GABPB2: variants seen among roughly 807,000 people sequenced by gnomAD.
GABPB2 encodes GA binding protein transcription factor subunit beta 2, also known as GA-binding protein subunit beta-2.
GABPB2 carries 23 observed loss-of-function variants against 39.1 expected under a neutral mutation model. The observed-to-expected ratio is 0.59, with a 90% CI of 0.42 to 0.83. GABPB2 has a LOEUF of 0.83. Ranked by LOEUF, GABPB2 falls within the 40% of genes least tolerant of loss-of-function variation. The pLI is 0.00. For missense variants in GABPB2, 467 were observed against 541.1 expected (o/e 0.86, Z 1.36); for synonymous variants, 184 against 199.3 (o/e 0.92, Z 0.65).
rs1262156915 is a variant in GABPB2, at chr1:151,093,270, G to T, written c.355G>T (p.Val119Phe). The change falls in exon 4 of 9, where the codon GTC becomes TTC. Residue 119 changes from valine (V) to phenylalanine (F), a missense_variant. Physicochemically the swap from Val to Phe is conservative, Grantham distance 50 (BLOSUM62 -1). Transcript: ENST00000368918. ...GGCCACAGAGCGCCACCATCGAGATGTCGTAGAGTTACTTATCAAATATGG... is the reference window on the plus strand; with the variant it reads ...GGCCACAGAGCGCCACCATCGAGATTTCGTAGAGTTACTTATCAAATATGG... ...HWATERHHRD[V>F]VELLIKYGAD... is the part of the protein sequence containing the mutation. 4.3e-6 allele frequency: 7 copies of T among 1,613,366 alleles called. No homozygotes were observed. In the South Asian group the frequency reaches 7.7e-5, roughly 18 times the overall value.
intron 5 of GABPB2, among the ~76,000 whole-genome samples, chr1:151,101,646 T>G (rs587609079): frequency 6.6e-6 from 1 of 152,166 alleles, no homozygotes; most frequent in South Asian, 2.1e-4. Flanking sequence ...CTACTTCTAC[T>G]TCTATACTAA....
chr1:151,107,089 A>G lies in GABPB2; in HGVS notation c.789A>G (p.Gln263=). Residue 263 remains glutamine (Q), a synonymous_variant, in exon 7 of 9, where the codon CAA becomes CAG. Transcript: ENST00000368918. The part of the protein sequence containing the change: ...EGNSVDSSIQ[Q]VMGSGGQRVI... ...ATTCCGTTGACTCATCAATCCAGCA[A>G]GTAATGGGGAGTGGAGGCCAGAGGG... 1.2e-6 allele frequency: 2 copies of G among 1,612,702 alleles called. No homozygotes were observed. Among genetic ancestry groups the G allele is most frequent in the Non-Finnish European group, 8.5e-7 (1 of 1,179,442 alleles).
At position 151,099,259 on chromosome 1, in the gene GABPB2, G is replaced by A. The variant is rs1371015540; in HGVS notation, c.622+1257G>A. Among the ~76,000 whole-genome samples the A allele has an allele frequency of 3.3e-5, 5 of 151,266 alleles. No homozygotes were observed. The South Asian group carries it at 6.3e-4, about 19-fold the overall frequency. On this transcript the variant is annotated intron_variant, in intron 5 of 8. Transcript: ENST00000368918. ...GTTTCCCAGGCTGGAGTGCAGTGGCGCAATCTTGGCTCACTGCAACCTTTG... is the reference window on the plus strand; with the variant it reads ...GTTTCCCAGGCTGGAGTGCAGTGGCACAATCTTGGCTCACTGCAACCTTTG...
At chr1:151,104,809 TCTTTC>T (rs1679824580) in intron 6 of GABPB2, among the ~76,000 whole-genome samples, 3 of 149,658 alleles carry the variant, frequency 2.0e-5, no homozygotes, top group South Asian at 2.1e-4. Context: ...TTCTTTTCTT[TCTTTC>T]CTTTCTTTCT....
intron 7 of GABPB2, among the ~76,000 whole-genome samples, chr1:151,110,005 A>ATTTTTTTTTTTT (rs71577269): frequency 1.6e-4 from 10 of 60,760 alleles, no homozygotes; most frequent in Non-Finnish European, 3.5e-4. Context: ...TGCCCAGCTA[A>ATTTTTTTTTTTT]TTTTTTTTTT....
At chr1:151,111,042 G>T (rs1314123768) in intron 7 of GABPB2, among the ~76,000 whole-genome samples, 1 of 152,088 alleles carries the variant, frequency 6.6e-6, no homozygotes, top group Non-Finnish European at 1.5e-5. Context: ...CACTTTGGGA[G>T]GCTGAGGCGG....
rs116351668 is a variant in GABPB2, at chr1:151,077,307, C to T, written c.-1+6373C>T. ...TGACTTTCTGACAGGCCCAGGAGCC[C>T]CACATTATCCTGGGACCTCAGGAGG... On this transcript the variant is annotated intron_variant, in intron 1 of 8. Transcript: ENST00000368918. Among the ~76,000 whole-genome samples the T allele has an allele frequency of 7.7e-4, 116 of 151,268 alleles. 1 individual carries two copies. Among genetic ancestry groups the T allele is most frequent in the African/African-American group, 2.7e-3 (113 of 41,280 alleles).
At chr1:151,112,911 C>T (rs903941333) in intron 7 of GABPB2, among the ~76,000 whole-genome samples, 3 of 151,320 alleles carry the variant, frequency 2.0e-5, no homozygotes, top group Non-Finnish European at 4.4e-5. Context: ...GCTGGGACTA[C>T]AGGTGTGCAC....
chr1:151,095,939 A>C (rs189993647), intron 4 of GABPB2, among the ~76,000 whole-genome samples: 1 of 151,780 alleles, frequency 6.6e-6, no homozygotes, highest in African/African-American at 2.4e-5. Flanking sequence ...TGATGGAGGC[A>C]GGAGAATCGG....
At chr1:151,095,993 G>A (rs1679067466) in intron 4 of GABPB2, among the ~76,000 whole-genome samples, 1 of 148,622 alleles carries the variant, frequency 6.7e-6, no homozygotes, top group Non-Finnish European at 1.5e-5. Flanking sequence ...AGCTGAGATC[G>A]TGCCACTGTA....
At chr1:151,096,358 T>A (rs1443194218) in intron 4 of GABPB2, among the ~76,000 whole-genome samples, 2 of 151,860 alleles carry the variant, frequency 1.3e-5, no homozygotes, top group Admixed American at 1.3e-4. Context: ...GAGGTTGCAG[T>A]GAGCCGAGAT....
chr1:151,101,530 C>T (rs1431602707), intron 5 of GABPB2, among the ~76,000 whole-genome samples: 4 of 151,078 alleles, frequency 2.6e-5, no homozygotes, highest in African/African-American at 4.9e-5. Flanking sequence ...GCTGAGATCG[C>T]GCCACTGCAC....
intron 1 of GABPB2, among the ~76,000 whole-genome samples, chr1:151,083,470 A>G (rs1225891711): frequency 6.6e-6 from 1 of 152,108 alleles, no homozygotes; most frequent in Non-Finnish European, 1.5e-5. Flanking sequence ...TGTCTCTACT[A>G]AAAGTACAGA....
Position 151,117,384 on chromosome 1 carries a change from A to G in GABPB2, c.923-8A>G, listed in dbSNP as rs1412968893. 1 of 1,612,956 alleles carries G rather than the reference A, an allele frequency of 6.2e-7. No homozygotes were observed. Among genetic ancestry groups the G allele is most frequent in the Non-Finnish European group, 8.5e-7 (1 of 1,179,404 alleles). ...CATCACCTCCAATTGGTGTCCTTTG[A>G]CTTGTAGTTCTAACTGTACCTGCTG... On this transcript the variant is annotated splice_polypyrimidine_tract_variant and splice_region_variant and intron_variant, in intron 7 of 8. Transcript: ENST00000368918.
rs909198136 is a variant in GABPB2, at chr1:151,091,165, A to G, written c.276+592A>G. On this transcript the variant is annotated intron_variant, in intron 3 of 8. Coordinates refer to ENST00000368918, the MANE Select transcript of GABPB2 (RefSeq NM_144618.3). ...TGCAGTGGCACGATCTCTGCTCACC[A>G]CAACCTCTGCCTCCTGGGTTGAAGT... Among the ~76,000 whole-genome samples, 4 of 150,988 alleles carry G rather than the reference A, an allele frequency of 2.6e-5. No homozygotes were observed. The East Asian group carries it at 8.0e-4, about 30-fold the overall frequency.
chr1:151,088,831 T>G (rs1678426537), intron 2 of GABPB2, among the ~76,000 whole-genome samples: 2 of 152,036 alleles, frequency 1.3e-5, no homozygotes, highest in African/African-American at 4.8e-5. Flanking sequence ...GAAACCCGTT[T>G]CTACTAAAAA....
At chr1:151,088,135 C>A in intron 1 of GABPB2, 55 bp from the exon 2 acceptor site, 1 of 1,253,986 alleles carries the variant, frequency 8.0e-7, no homozygotes, top group South Asian at 1.2e-5. Flanking sequence ...GTATTGGCGG[C>A]TTTCCTTATG....
In GABPB2 at chr1:151,122,215, T is replaced by C. The variant is rs1447402582; in HGVS notation, c.*3959T>C. On this transcript the variant is annotated 3_prime_UTR_variant, in exon 9 of 9. Transcript: ENST00000368918. The stretch of plus-strand genomic sequence containing the variant: ...TTGGCTACTGGCCACCTTAGCTAGG[T>C]TTTCTCCACAGATCTGTTTTCTCCA... The C allele has an allele frequency of 7.9e-6, 1 of 126,560 alleles. No individual in the cohort carries two copies. The highest frequency in any genetic ancestry group is 1.7e-5 in the Non-Finnish European group (1 of 58,146). The allele number at this position is 126,560 out of a possible 1,614,324, so 7.8% of individuals were successfully genotyped here. A position where few individuals can be genotyped will look rare whatever the true frequency, so the allele number is the denominator to read the frequency against.
chr1:151,075,077 G>A (rs1395449963), intron 1 of GABPB2, among the ~76,000 whole-genome samples: 2 of 152,086 alleles, frequency 1.3e-5, no homozygotes, highest in Non-Finnish European at 2.9e-5. Flanking sequence ...TAGAGGCAGA[G>A]GTTGTGGCGA....
Sources: allele counts gnomAD v4.1 joint callset (sites outside exome capture counted in the v4.1 genomes callset), GRCh38; gene constraint gnomAD v4.1.1; transcripts MANE v1.5; gene names NCBI Gene and HGNC (gene_info 2026-07-23, HGNC 2026-07-21).